The following EVI5L variants were observed in gnomAD, a reference collection of about 807,000 sequenced individuals.
EVI5L encodes the protein ecotropic viral integration site 5 like.
A neutral mutation model predicts 106.1 loss-of-function variants in EVI5L; 30 were observed. The observed-to-expected ratio is 0.28, with a 90% CI of 0.21 to 0.38. The LOEUF (loss-of-function observed/expected upper bound fraction) is 0.38. Among genes scored for constraint, EVI5L ranks in the 10% least tolerant of loss-of-function variants. The pLI, the probability that EVI5L is intolerant of heterozygous loss-of-function variation, is 1.00. For missense variants in EVI5L, 809 were observed against 1,098.0 expected, an observed-to-expected ratio of 0.74 and a Z score of 3.72; for synonymous variants, 489 against 483.3, an observed-to-expected ratio of 1.01 and a Z score of -0.15.
chr19:7,863,426 G>T lies in EVI5L; in HGVS notation c.2142G>T (p.Val714=). ...KDQIEELKAE[V]RLLKGPPPFE... is the part of the protein sequence containing the mutation. ...GCAGCGCCGGTCCCCCGCCCCAGGT[G>T]CGGCTGCTGAAGGGCCCGCCGCCCT... Residue 714 remains valine, a splice_region_variant and synonymous_variant, in exon 20 of 20, where the codon GTG becomes GTT. Coordinates refer to ENST00000538904, the MANE Select transcript of EVI5L (RefSeq NM_001159944.3). The surrounding 1 kb of genome is among the most constrained non-coding windows in gnomAD (Gnocchi z 7.7). 6.5e-7 allele frequency: 1 copy of T among 1,540,754 alleles called. No individual in the cohort carries two copies. The highest frequency in any genetic ancestry group is 8.7e-7 in the Non-Finnish European group (1 of 1,143,428).
In EVI5L at chr19:7,846,799, C is replaced by T. The variant is rs1329141227; in HGVS notation, c.137+120C>T. 6 of 1,329,786 alleles carry T rather than the reference C, an allele frequency of 4.5e-6. No individual in the cohort carries two copies. The Admixed American group carries it at 7.9e-5, about 18-fold the overall frequency. The allele number at this position is 1,329,786 out of a possible 1,614,324, so 82.4% of individuals were successfully genotyped here. A position where few individuals can be genotyped will look rare whatever the true frequency, so the allele number is the denominator to read the frequency against. On this transcript the variant is annotated intron_variant, in intron 2 of 19. Coordinates refer to ENST00000538904, the MANE Select transcript of EVI5L (RefSeq NM_001159944.3). ...AGTGTGTGCAATGTGACAGCCACCT[C>T]CAGATGCTGGATGAGGGACAGACAC...
At chr19:7,853,059 A>T (rs1032544792) in intron 8 of EVI5L, 27 bp from the exon 9 acceptor site, 1 of 1,613,046 alleles carries the variant, frequency 6.2e-7, no homozygotes, top group Admixed American at 1.7e-5. Context: ...CATGTTGGTG[A>T]CCAGGTGACC....
At chr19:7,843,069 A>C (rs1338798385) in intron 1 of EVI5L, among the ~76,000 whole-genome samples, 1 of 144,252 alleles carries the variant, frequency 6.9e-6, no homozygotes. Flanking sequence ...GAGTATGTGC[A>C]TGTGTGTGTA....
At chr19:7,852,258 G>A (rs566244139) in intron 8 of EVI5L, among the ~76,000 whole-genome samples, 238 of 152,298 alleles carry the variant, frequency 1.6e-3, no homozygotes, top group African/African-American at 5.5e-3. Flanking sequence ...TCTGCTGTGC[G>A]GGCCCCTGCC....
Position 7,858,244 on chromosome 19 carries a change from G to A in EVI5L, c.1287G>A (p.Glu429=). 6.4e-7 allele frequency: 1 copy of A among 1,564,384 alleles called. No homozygotes were observed. Among genetic ancestry groups the A allele is most frequent in the Admixed American group, 1.9e-5 (1 of 52,738 alleles). The change falls in exon 13 of 20, where the codon GAG becomes GAA. Residue 429 remains glutamate (E), a synonymous_variant. Transcript: ENST00000538904. The surrounding 1 kb of genome is among the most constrained non-coding windows in gnomAD (Gnocchi z 5.7). ...EAEENYVIKR[E]LAVVRQQCSS... is the part of the protein sequence containing the mutation. Reference sequence around the variant, plus strand: ...AGGAGAACTACGTCATCAAGCGGGAGCTGGCGGTGGTGCGGCAGCAGTGCA... The same window carrying A: ...AGGAGAACTACGTCATCAAGCGGGAACTGGCGGTGGTGCGGCAGCAGTGCA...
intron 14 of EVI5L, among the ~76,000 whole-genome samples, chr19:7,861,116 C>T (rs901048631): frequency 4.6e-5 from 7 of 152,188 alleles, no homozygotes; most frequent in Non-Finnish European, 7.4e-5. Flanking sequence ...CGACTCCACT[C>T]TCCCACGGAG....
intron 1 of EVI5L, among the ~76,000 whole-genome samples, chr19:7,844,297 A>T (rs1459686144): frequency 1.3e-5 from 2 of 148,376 alleles, no homozygotes; most frequent in Admixed American, 6.8e-5. Context: ...ACGCCATTGC[A>T]CTCCAGCCTG....
At chr19:7,836,007 CG>C (rs956915402) in intron 1 of EVI5L, among the ~76,000 whole-genome samples, 3 of 151,744 alleles carry the variant, frequency 2.0e-5, no homozygotes, top group African/African-American at 7.3e-5. Flanking sequence ...GAGGCCGAGG[CG>C]GGAGGATCAC....
Position 7,858,533 on chromosome 19 carries a change from C to G in EVI5L, c.1374+202C>G. On this transcript the variant is annotated intron_variant, in intron 13 of 19. Transcript: ENST00000538904. This position sits in a 1 kb window ranked among gnomAD's most constrained non-coding sequence, Gnocchi z 5.7. ...TTCTGAGACATCCTGATATCCATTT[C>G]TTGCCACCTCATAGTGTGTCTGCAG... is the stretch of plus-strand genomic sequence containing the variant. 8.8e-6 allele frequency: 6 copies of G among 678,580 alleles called. No homozygotes were observed. Among genetic ancestry groups the G allele is most frequent in the Non-Finnish European group, 1.5e-5 (6 of 412,588 alleles). The allele number at this position is 678,580 out of a possible 1,614,324, so 42.0% of individuals were successfully genotyped here.
chr19:7,833,371 C>A (rs1978302859), intron 1 of EVI5L, among the ~76,000 whole-genome samples: 1 of 152,252 alleles, frequency 6.6e-6, no homozygotes, highest in African/African-American at 2.4e-5. Flanking sequence ...TGCCAAGCAC[C>A]ATTGACATAT....
intron 8 of EVI5L, among the ~76,000 whole-genome samples, chr19:7,852,257 C>T (rs1320524258): frequency 3.2e-4 from 49 of 152,216 alleles, no homozygotes; most frequent in East Asian, 1.9e-4. Context: ...CTCTGCTGTG[C>T]GGGCCCCTGC....
chr19:7,846,384 C>T (rs911775892), intron 1 of EVI5L, 112 bp from the exon 2 acceptor site: 27 of 979,490 alleles, frequency 2.8e-5, no homozygotes, highest in South Asian at 8.7e-5. Flanking sequence ...GGTGCACGGA[C>T]GGGGGTGGAC....
intron 2 of EVI5L, 84 bp downstream of exon 2, chr19:7,846,763 G>T: frequency 6.6e-7 from 1 of 1,522,134 alleles, no homozygotes. Context: ...CTCACATTCA[G>T]AGCCAGGCCC....
At chr19:7,834,940 A>C (rs1436591013) in intron 1 of EVI5L, among the ~76,000 whole-genome samples, 2 of 152,100 alleles carry the variant, frequency 1.3e-5, no homozygotes, top group African/African-American at 4.8e-5. Context: ...AACCTGGGCA[A>C]CATAGTGAGA....
chr19:7,840,571 C>T (rs1443320972), intron 1 of EVI5L, among the ~76,000 whole-genome samples: 1 of 152,240 alleles, frequency 6.6e-6, no homozygotes. Context: ...AATTCTGGAA[C>T]ATTTCTATCA....
intron 1 of EVI5L, among the ~76,000 whole-genome samples, chr19:7,843,689 A>C (rs1219568543): frequency 6.6e-6 from 1 of 151,494 alleles, no homozygotes; most frequent in Non-Finnish European, 1.5e-5. Context: ...TGTGTGTGTG[A>C]GAATAGGCAT....
intron 1 of EVI5L, among the ~76,000 whole-genome samples, chr19:7,838,715 A>C (rs1978458367): frequency 6.6e-6 from 1 of 152,234 alleles, no homozygotes; most frequent in South Asian, 2.1e-4. Context: ...CAGGTTTAGA[A>C]ATAATTGCCA....
intron 5 of EVI5L, 130 bp downstream of exon 5, chr19:7,849,460 C>A: frequency 4.0e-6 from 4 of 1,004,830 alleles, no homozygotes; most frequent in Non-Finnish European, 4.4e-6. Flanking sequence ...CCTTCTCCAT[C>A]CACACCCGTG....
intron 1 of EVI5L, 101 bp from the exon 2 acceptor site, chr19:7,846,395 C>A: frequency 8.9e-7 from 1 of 1,122,896 alleles, no homozygotes; most frequent in Non-Finnish European, 1.2e-6. Context: ...GGGGGTGGAC[C>A]AGAGGCAGGA....
Sources: allele counts gnomAD v4.1 joint callset (sites outside exome capture counted in the v4.1 genomes callset), GRCh38; gene constraint gnomAD v4.1.1; non-coding constraint Gnocchi (gnomAD v3.1); transcripts MANE v1.5; gene names NCBI Gene and HGNC (gene_info 2026-07-23, HGNC 2026-07-21).